The following ANTXRL variants were observed in gnomAD, a reference collection of about 807,000 sequenced individuals.
The protein encoded by ANTXRL is anthrax toxin receptor-like.
In ANTXRL, 63 loss-of-function variants were observed where a neutral mutation model predicts 75.4. That is an observed-to-expected ratio of 0.84 (90% confidence interval 0.68 to 1.03). The LOEUF is 1.03. Among genes scored for constraint, ANTXRL ranks in the 50% least tolerant of loss-of-function variants. ANTXRL has a pLI of 0.00. For missense variants in ANTXRL, 797 were observed against 789.4 expected (o/e 1.01, Z -0.12); for synonymous variants, 335 against 291.3 (o/e 1.15, Z -1.53).
chr10:46,302,939 G>C, intron 10 of ANTXRL, 119 bp downstream of exon 10: 1 of 780,706 alleles, frequency 1.3e-6, no homozygotes, highest in Non-Finnish European at 2.1e-6. Context: ...TGTGGGGTTA[G>C]AGGCCATGAG....
chr10:46,299,582 G>A (rs1837594008), intron 9 of ANTXRL, among the ~76,000 whole-genome samples: 3 of 152,090 alleles, frequency 2.0e-5, no homozygotes, highest in Non-Finnish European at 4.4e-5. Context: ...AGACCACGAG[G>A]CATCCAGCAG....
At chr10:46,322,182 C>T (rs1050183783) in intron 16 of ANTXRL, among the ~76,000 whole-genome samples, 5 of 152,048 alleles carry the variant, frequency 3.3e-5, no homozygotes, top group Non-Finnish European at 7.4e-5. Context: ...ACTGATACCC[C>T]GTTGAGGTTG....
intron 3 of ANTXRL, chr10:46,294,173 T>G: frequency 6.2e-6 from 3 of 487,646 alleles, no homozygotes; most frequent in Non-Finnish European, 3.7e-6. Context: ...CTCTGCCTCC[T>G]TCCCTGAAAG....
chr10:46,298,906 G>A (rs1837549459), intron 9 of ANTXRL, among the ~76,000 whole-genome samples: 2 of 151,662 alleles, frequency 1.3e-5, no homozygotes, highest in African/African-American at 4.9e-5. Context: ...TGGCCCACAT[G>A]GATGTGAATG....
At chr10:46,315,452 C>T (rs1214099742) in intron 16 of ANTXRL, among the ~76,000 whole-genome samples, 1 of 152,170 alleles carries the variant, frequency 6.6e-6, no homozygotes, top group Non-Finnish European at 1.5e-5. Flanking sequence ...CATAGGCTGT[C>T]TGTCTCTTCA....
rs115432709 is a variant in ANTXRL at position 46,293,578 on chromosome 10, T to C, written c.321-251T>C. On this transcript the variant is annotated intron_variant, in intron 2 of 16. Coordinates refer to ENST00000620264, the MANE Select transcript of ANTXRL (RefSeq NM_001278688.3). Reference sequence around the variant, plus strand: ...GTGAGTGTGTGCCTGTGTGTGCGCGTGTGTGTGTGCAAGTGTCTTTGGGGT... The same window carrying C: ...GTGAGTGTGTGCCTGTGTGTGCGCGCGTGTGTGTGCAAGTGTCTTTGGGGT... Among the ~76,000 whole-genome samples the C allele has an allele frequency of 7.2e-3, 1,041 of 144,130 alleles. 12 individuals are homozygous for C. Among genetic ancestry groups the C allele is most frequent in the Middle Eastern group, 0.014 (4 of 278 alleles). 94.6% of individuals were successfully genotyped at this position (144,130 alleles called of 152,430 possible).
intron 2 of ANTXRL, chr10:46,293,111 CTG>C (rs112166587): frequency 0.17 from 25,407 of 151,704 alleles, 1,790 homozygotes; most frequent in Non-Finnish European, 0.19. Flanking sequence ...GTATGTGTGT[CTG>C]TGTGTGTGTG....
At chr10:46,325,652 T>G (rs1839176546) in intron 16 of ANTXRL, among the ~76,000 whole-genome samples, 1 of 152,194 alleles carries the variant, frequency 6.6e-6, no homozygotes, top group Admixed American at 6.5e-5. Context: ...ACAAAATATT[T>G]CAGAAACAGT....
chr10:46,315,287 A>G lies in ANTXRL; in HGVS notation c.1410+1971A>G, dbSNP rs191362691. 1.5e-3 allele frequency among the ~76,000 whole-genome samples: 224 copies of G among 152,306 alleles called. 2 individuals carry two copies. Among genetic ancestry groups the G allele is most frequent in the African/African-American group, 5.1e-3 (212 of 41,548 alleles). On this transcript the variant is annotated intron_variant, in intron 16 of 16. Coordinates refer to ENST00000620264, the MANE Select transcript of ANTXRL (RefSeq NM_001278688.3). Reference sequence around the variant, plus strand: ...TTCCTGCCTGAGCCAGGGGTCCCTGAGTGAGAAGCAGCCCTGAGGCTGGAG... The same window carrying G: ...TTCCTGCCTGAGCCAGGGGTCCCTGGGTGAGAAGCAGCCCTGAGGCTGGAG...
intron 10 of ANTXRL, among the ~76,000 whole-genome samples, chr10:46,305,387 T>C (rs1838012592): frequency 6.6e-6 from 1 of 152,162 alleles, no homozygotes; most frequent in African/African-American, 2.4e-5. Flanking sequence ...CAATGGAAAA[T>C]ACATGCCAGA....
At position 46,287,004 on chromosome 10, in the gene ANTXRL, G is replaced by C. The variant is rs1554955339; in HGVS notation, c.-259G>C. 1 of 549,210 alleles carries C rather than the reference G, an allele frequency of 1.8e-6. No individual in the cohort carries two copies. 34.0% of individuals were successfully genotyped at this position (549,210 alleles called of 1,614,324 possible). ...GTCAACCTTCCTGTCAACCATAACA[G>C]AGAATTCTGTCCCCAGGGTGGGGGA... On this transcript the variant is annotated 5_prime_UTR_variant, in exon 1 of 17. Transcript: ENST00000620264.
At chr10:46,307,370 G>T in intron 11 of ANTXRL, 32 bp from the exon 12 acceptor site, 1 of 1,456,250 alleles carries the variant, frequency 6.9e-7, no homozygotes, top group Middle Eastern at 1.7e-4. Flanking sequence ...TCTCTGGACT[G>T]GCTCTCACCA....
At chr10:46,293,261 T>G (rs1200669754) in intron 2 of ANTXRL, among the ~76,000 whole-genome samples, 1 of 129,124 alleles carries the variant, frequency 7.7e-6, no homozygotes, top group Non-Finnish European at 1.7e-5. Context: ...GGGGGGTGTG[T>G]ATACCTGTGC....
intron 1 of ANTXRL, among the ~76,000 whole-genome samples, chr10:46,289,135 C>T (rs538063736): frequency 2.4e-4 from 37 of 152,228 alleles, no homozygotes; most frequent in African/African-American, 8.4e-4. Context: ...CAGGCAGGCT[C>T]TTTGGTCATT....
At chr10:46,299,883 C>G (rs542497585) in intron 9 of ANTXRL, among the ~76,000 whole-genome samples, 1 of 152,168 alleles carries the variant, frequency 6.6e-6, no homozygotes, top group East Asian at 1.9e-4. Flanking sequence ...GGGCTCTGTC[C>G]CCGACCCCGC....
rs1554959350 is a variant in ANTXRL, at chr10:46,297,822, T to C, written c.655-9T>C. 3 of 1,535,702 alleles carry C rather than the reference T, an allele frequency of 2.0e-6. No homozygotes were observed. Among genetic ancestry groups the C allele is most frequent in the Non-Finnish European group, 2.6e-6 (3 of 1,146,638 alleles). On this transcript the variant is annotated splice_polypyrimidine_tract_variant and intron_variant, in intron 7 of 16. Coordinates refer to ENST00000620264, the MANE Select transcript of ANTXRL (RefSeq NM_001278688.3). ...GGTGGGGAGTCCAACCCAGCTCTGCTCTCTGTAGATAACAGCAATTGCAGA... is the reference window on the plus strand; with the variant it reads ...GGTGGGGAGTCCAACCCAGCTCTGCCCTCTGTAGATAACAGCAATTGCAGA...
At chr10:46,314,215 G>A (rs1406549486) in intron 16 of ANTXRL, among the ~76,000 whole-genome samples, 1 of 152,156 alleles carries the variant, frequency 6.6e-6, no homozygotes, top group Non-Finnish European at 1.5e-5. Flanking sequence ...GGGAGCCCCT[G>A]GGAGGCGTGC....
rs540229430 is a variant in ANTXRL, at chr10:46,312,744, G to A, written c.1330-492G>A. ...CCGAGTGGCCAAGGGGCTGCCCGCC[G>A]TGGGTCCTGGGCTGCTTTCTGGCCT... On this transcript the variant is annotated intron_variant, in intron 15 of 16. Transcript: ENST00000620264. Among the ~76,000 whole-genome samples, 230 of 149,148 alleles carry A rather than the reference G, an allele frequency of 1.5e-3. 6 individuals carry two copies. Among genetic ancestry groups the A allele is most frequent in the Admixed American group, 0.015 (222 of 14,878 alleles).
chr10:46,305,359 T>C (rs1468584034), intron 10 of ANTXRL, among the ~76,000 whole-genome samples: 1 of 152,174 alleles, frequency 6.6e-6, no homozygotes, highest in South Asian at 2.1e-4. Flanking sequence ...ATGCTATTTA[T>C]TCAGGAACAG....
Sources: allele counts gnomAD v4.1 joint callset (sites outside exome capture counted in the v4.1 genomes callset), GRCh38; gene constraint gnomAD v4.1.1; transcripts MANE v1.5; gene names NCBI Gene and HGNC (gene_info 2026-07-23, HGNC 2026-07-21).